Variants in STX6 observed in about 807,000 individuals in gnomAD.
The protein encoded by STX6 is syntaxin-6.
Under a neutral mutation model 38.0 loss-of-function variants are expected in STX6, and 23 were observed. The observed-to-expected ratio is 0.60, with a 90% CI of 0.43 to 0.86. STX6 has a LOEUF of 0.86. Among genes scored for constraint, STX6 ranks in the 40% least tolerant of loss-of-function variants. STX6 has a pLI of 0.00. For synonymous variants in STX6, 123 were observed against 107.5 expected (o/e 1.14, Z -0.89); for missense variants, 274 against 312.9 (o/e 0.88, Z 0.94).
intron 7 of STX6, among the ~76,000 whole-genome samples, chr1:180,984,230 AC>A (rs1175463246): frequency 1.3e-5 from 2 of 151,174 alleles, no homozygotes; most frequent in East Asian, 3.9e-4. Context: ...CTAAGGCATC[AC>A]AAAAAAAAAA....
chr1:181,022,361 C>T (rs971659285), intron 1 of STX6, among the ~76,000 whole-genome samples: 2 of 152,208 alleles, frequency 1.3e-5, no homozygotes, highest in African/African-American at 4.8e-5. Flanking sequence ...AGCTGCTGAG[C>T]CCCTCGGCCC....
chr1:181,000,670 A>G (rs1204406696), intron 3 of STX6, among the ~76,000 whole-genome samples: 1 of 152,204 alleles, frequency 6.6e-6, no homozygotes, highest in African/African-American at 2.4e-5. Context: ...TTCAGATATT[A>G]GAAAATGAAC....
At chr1:180,978,097 A>T (rs1022556189) in intron 7 of STX6, among the ~76,000 whole-genome samples, 1 of 152,236 alleles carries the variant, frequency 6.6e-6, no homozygotes, top group Admixed American at 6.5e-5. Context: ...TTCAATGGTC[A>T]AGAAAACTTT....
intron 1 of STX6, 30 bp downstream of exon 1, chr1:181,022,609 C>T: frequency 1.2e-6 from 2 of 1,602,966 alleles, no homozygotes; most frequent in Non-Finnish European, 1.7e-6. Context: ...GCCACCTCTT[C>T]CTCCGGTGGA....
intron 5 of STX6, among the ~76,000 whole-genome samples, chr1:180,989,625 C>G (rs1655694221): frequency 6.6e-6 from 1 of 151,648 alleles, no homozygotes; most frequent in Admixed American, 6.6e-5. Context: ...GAGCTTGGTT[C>G]TTTATTTTTT....
At chr1:181,019,964 C>G (rs892533918) in intron 1 of STX6, among the ~76,000 whole-genome samples, 3 of 152,092 alleles carry the variant, frequency 2.0e-5, no homozygotes, top group Non-Finnish European at 2.9e-5. Flanking sequence ...AGATCGAGAC[C>G]ATCCTGGCTA....
chr1:180,981,098 A>G (rs1398935193), intron 7 of STX6, among the ~76,000 whole-genome samples: 1 of 152,196 alleles, frequency 6.6e-6, no homozygotes, highest in Admixed American at 6.5e-5. Context: ...ACAATGATGG[A>G]TACATGTCAT....
intron 3 of STX6, among the ~76,000 whole-genome samples, chr1:180,996,841 A>C (rs1179271412): frequency 6.6e-6 from 1 of 152,194 alleles, no homozygotes; most frequent in Admixed American, 6.5e-5. Flanking sequence ...CCAAAGTCCT[A>C]GGATTACAGG....
chr1:180,981,528 G>C (rs562583811), intron 7 of STX6, among the ~76,000 whole-genome samples: 2 of 152,180 alleles, frequency 1.3e-5, no homozygotes, highest in East Asian at 3.9e-4. Flanking sequence ...CTCAGCACCA[G>C]ATTTCCAACA....
At chr1:180,985,056 T>A (rs1378213095) in intron 6 of STX6, among the ~76,000 whole-genome samples, 1 of 152,192 alleles carries the variant, frequency 6.6e-6, no homozygotes, top group Non-Finnish European at 1.5e-5. Flanking sequence ...AGATACTTAA[T>A]ATTTCTGCAG....
intron 7 of STX6, 117 bp from the exon 8 acceptor site, chr1:180,976,763 G>A (rs1026437244): frequency 1.2e-5 from 11 of 926,270 alleles, no homozygotes; most frequent in Middle Eastern, 2.1e-4. Context: ...TGCAAATGAC[G>A]GGGCCATGAT....
intron 7 of STX6, among the ~76,000 whole-genome samples, chr1:180,981,484 A>G (rs1368438548): frequency 6.6e-6 from 1 of 152,056 alleles, no homozygotes; most frequent in Non-Finnish European, 1.5e-5. Context: ...ACACACTCCT[A>G]TGTTTACCCC....
At chr1:180,996,747 A>G (rs1379255931) in intron 3 of STX6, among the ~76,000 whole-genome samples, 1 of 152,016 alleles carries the variant, frequency 6.6e-6, no homozygotes, top group Non-Finnish European at 1.5e-5. Flanking sequence ...TATTTTTTAA[A>G]TTTTTGGTAG....
In STX6 at chr1:181,022,782, T is replaced by C; in HGVS notation, c.-109A>G. Reference sequence around the variant, plus strand: ...TCCCGCAGCTGCCCGCGCCTTAGTCTGGGTGAAGCCGAGCAGCGGGCACGC... The same window carrying C: ...TCCCGCAGCTGCCCGCGCCTTAGTCCGGGTGAAGCCGAGCAGCGGGCACGC... On this transcript the variant is annotated 5_prime_UTR_variant, in exon 1 of 8. Coordinates refer to ENST00000258301, the MANE Select transcript of STX6 (RefSeq NM_005819.6). 1 of 1,168,298 alleles carries C rather than the reference T, an allele frequency of 8.6e-7. No individual in the cohort carries two copies. The highest frequency in any genetic ancestry group is 1.2e-6 in the Non-Finnish European group (1 of 814,848). The allele number at this position is 1,168,298 out of a possible 1,614,324, so 72.4% of individuals were successfully genotyped here.
At position 181,005,340 on chromosome 1, in the gene STX6, G is replaced by A. The variant is rs1342228351; in HGVS notation, c.159C>T (p.Asn53=). 6.2e-7 allele frequency: 1 copy of A among 1,614,104 alleles called. No homozygotes were observed. Among genetic ancestry groups the A allele is most frequent in the Non-Finnish European group, 8.5e-7 (1 of 1,179,982 alleles). The change falls in exon 2 of 8, where the codon AAC becomes AAT. Residue 53 remains asparagine (N), a synonymous_variant. Coordinates refer to ENST00000258301, the MANE Select transcript of STX6 (RefSeq NM_005819.6). ...IDWTTNELRN[N]LRSIEWDLED... is the part of the protein sequence containing the mutation. Reference sequence around the variant, plus strand: ...CTAGATCCCACTCTATGCTCCGGAGGTTATTTCTCAGCTCGTTGGTGGTCC... The same window carrying A: ...CTAGATCCCACTCTATGCTCCGGAGATTATTTCTCAGCTCGTTGGTGGTCC...
intron 1 of STX6, among the ~76,000 whole-genome samples, chr1:181,016,498 A>C (rs1252974696): frequency 2.0e-5 from 3 of 152,218 alleles, no homozygotes; most frequent in Non-Finnish European, 4.4e-5. Flanking sequence ...ATTTGTTCTT[A>C]CAACGAAACA....
At chr1:181,021,529 G>C (rs1656726806) in intron 1 of STX6, among the ~76,000 whole-genome samples, 1 of 152,212 alleles carries the variant, frequency 6.6e-6, no homozygotes, top group African/African-American at 2.4e-5. Context: ...CACCACTACA[G>C]AAATAGGAAG....
At chr1:181,001,509 C>T (rs1039997204) in intron 3 of STX6, among the ~76,000 whole-genome samples, 1 of 152,172 alleles carries the variant, frequency 6.6e-6, no homozygotes, top group African/African-American at 2.4e-5. Flanking sequence ...ATTTTTTACA[C>T]TCTGATAGAT....
At chr1:181,014,695 G>C (rs1460979502) in intron 1 of STX6, among the ~76,000 whole-genome samples, 1 of 151,994 alleles carries the variant, frequency 6.6e-6, no homozygotes, top group South Asian at 2.1e-4. Context: ...CCACAAACCT[G>C]GTTTCACCAC....
Sources: gnomAD v4.1 joint callset for allele counts (sites outside exome capture counted in the v4.1 genomes callset) on GRCh38, gnomAD v4.1.1 for gene constraint, MANE v1.5 for transcripts, NCBI Gene and HGNC (gene_info 2026-07-23, HGNC 2026-07-21) for gene names.